The following RCAN2 variants were observed in gnomAD, a reference collection of about 807,000 sequenced individuals.
The protein encoded by RCAN2 is calcipressin-2.
RCAN2 carries 9 observed loss-of-function variants against 23.6 expected under a neutral mutation model. The ratio of observed to expected loss-of-function variants is 0.38; its 90% CI spans 0.23 to 0.67. The LOEUF (loss-of-function observed/expected upper bound fraction) is 0.67. Ranked by LOEUF, RCAN2 falls within the 30% of genes least tolerant of loss-of-function variation. The pLI is 0.51. For missense variants in RCAN2, 273 were observed against 302.3 expected (o/e 0.90, Z 0.72); for synonymous variants, 109 against 115.7 (o/e 0.94, Z 0.37).
chr6:46,405,061 G>A (rs568222256), intron 2 of RCAN2, among the ~76,000 whole-genome samples: 6 of 152,270 alleles, frequency 3.9e-5, no homozygotes, highest in African/African-American at 1.4e-4. Context: ...CAGAATTGGC[G>A]GGTTCTTGAT....
At chr6:46,302,558 A>G (rs1050786485) in intron 2 of RCAN2, among the ~76,000 whole-genome samples, 1 of 152,040 alleles carries the variant, frequency 6.6e-6, no homozygotes, top group East Asian at 1.9e-4. Context: ...TTCAGTTTCT[A>G]TTGTTTGCCA....
At chr6:46,453,020 T>G (rs984317046) in intron 2 of RCAN2, among the ~76,000 whole-genome samples, 4 of 152,212 alleles carry the variant, frequency 2.6e-5, no homozygotes. Context: ...ACTGTTCCCC[T>G]TTAGCAAGCA....
At chr6:46,235,479 A>G (rs113232025) in intron 4 of RCAN2, among the ~76,000 whole-genome samples, 3,032 of 152,270 alleles carry the variant, frequency 0.02, 94 homozygotes, top group African/African-American at 0.068. Context: ...GAGGAGCTAC[A>G]TATCCAGGCC....
At chr6:46,288,031 G>A (rs1351942811) in intron 2 of RCAN2, among the ~76,000 whole-genome samples, 2 of 152,124 alleles carry the variant, frequency 1.3e-5, no homozygotes, top group African/African-American at 4.8e-5. Flanking sequence ...GGAGGGGAGA[G>A]GGTTTTGCTC....
intron 2 of RCAN2, among the ~76,000 whole-genome samples, chr6:46,268,030 G>C (rs1767397625): frequency 6.6e-6 from 1 of 152,104 alleles, no homozygotes; most frequent in Non-Finnish European, 1.5e-5. Context: ...AGAAGTAACT[G>C]TAATGGTCAT....
At chr6:46,260,099 C>T (rs938083937) in intron 2 of RCAN2, among the ~76,000 whole-genome samples, 2 of 152,152 alleles carry the variant, frequency 1.3e-5, no homozygotes, top group African/African-American at 4.8e-5. Flanking sequence ...CTAACTTCAG[C>T]ATCTCTCCCC....
chr6:46,480,058 C>T (rs1442221975), intron 1 of RCAN2, among the ~76,000 whole-genome samples: 1 of 152,166 alleles, frequency 6.6e-6, no homozygotes, highest in Non-Finnish European at 1.5e-5. Flanking sequence ...GGCACCAAAA[C>T]CATGCAGCAG....
intron 2 of RCAN2, among the ~76,000 whole-genome samples, chr6:46,294,651 T>TTA (rs1182194263): frequency 6.6e-6 from 1 of 152,114 alleles, no homozygotes; most frequent in Non-Finnish European, 1.5e-5. Flanking sequence ...GGATAATGCC[T>TTA]TATGTGTTGT....
intron 2 of RCAN2, among the ~76,000 whole-genome samples, chr6:46,402,437 C>A (rs1766274562): frequency 6.6e-6 from 1 of 152,140 alleles, no homozygotes; most frequent in Non-Finnish European, 1.5e-5. Context: ...ACTAGAATCC[C>A]TCTTCCCCAA....
intron 2 of RCAN2, among the ~76,000 whole-genome samples, chr6:46,398,400 CA>C (rs1766152301): frequency 6.6e-6 from 1 of 152,068 alleles, no homozygotes. Flanking sequence ...CGTGGAGGTC[CA>C]AAGATAATTT....
At chr6:46,372,295 T>G (rs1189064859) in intron 2 of RCAN2, among the ~76,000 whole-genome samples, 1 of 152,250 alleles carries the variant, frequency 6.6e-6, no homozygotes, top group Non-Finnish European at 1.5e-5. Context: ...TGTTACACAT[T>G]GAAATGCATT....
At chr6:46,414,438 G>T (rs1048689095) in intron 2 of RCAN2, among the ~76,000 whole-genome samples, 1 of 152,236 alleles carries the variant, frequency 6.6e-6, no homozygotes, top group African/African-American at 2.4e-5. Context: ...AGTCTTGAAA[G>T]ATGGCTATGA....
At chr6:46,315,286 C>A (rs1301388755) in intron 2 of RCAN2, among the ~76,000 whole-genome samples, 1 of 152,190 alleles carries the variant, frequency 6.6e-6, no homozygotes, top group Non-Finnish European at 1.5e-5. Context: ...CCCCTGCCCT[C>A]ATGAAGCTTG....
At chr6:46,330,866 C>T (rs1452760436) in intron 2 of RCAN2, among the ~76,000 whole-genome samples, 1 of 152,126 alleles carries the variant, frequency 6.6e-6, no homozygotes, top group African/African-American at 2.4e-5. Flanking sequence ...ACAGATTTTT[C>T]TGTTGCCTGT....
At chr6:46,284,016 G>A (rs1227405286) in intron 2 of RCAN2, among the ~76,000 whole-genome samples, 2 of 152,116 alleles carry the variant, frequency 1.3e-5, no homozygotes, top group Non-Finnish European at 2.9e-5. Flanking sequence ...GAAAAATTGG[G>A]AAATGTGACT....
At chr6:46,452,067 T>C (rs570989065) in intron 2 of RCAN2, among the ~76,000 whole-genome samples, 1 of 152,334 alleles carries the variant, frequency 6.6e-6, no homozygotes, top group Non-Finnish European at 1.5e-5. Context: ...TGGTACATTA[T>C]AAATTAAATT....
At chr6:46,473,442 T>C (rs950097997) in intron 1 of RCAN2, among the ~76,000 whole-genome samples, 1 of 151,896 alleles carries the variant, frequency 6.6e-6, no homozygotes, top group Non-Finnish European at 1.5e-5. Context: ...CTGTCTGTGC[T>C]ATTTTTTTTT....
intron 4 of RCAN2, among the ~76,000 whole-genome samples, chr6:46,235,188 T>A (rs186475517): frequency 6.6e-6 from 1 of 152,342 alleles, no homozygotes; most frequent in Admixed American, 6.5e-5. Flanking sequence ...GAGCTACATG[T>A]CTATGTATTA....
intron 2 of RCAN2, among the ~76,000 whole-genome samples, chr6:46,393,195 A>T (rs1765983239): frequency 6.6e-6 from 1 of 152,176 alleles, no homozygotes; most frequent in South Asian, 2.1e-4. Flanking sequence ...ATATGTTTTA[A>T]ATGTTTATGT....
Sources: allele counts gnomAD v4.1 joint callset (sites outside exome capture counted in the v4.1 genomes callset), GRCh38; gene constraint gnomAD v4.1.1; transcripts MANE v1.5; gene names NCBI Gene and HGNC (gene_info 2026-07-23, HGNC 2026-07-21).